ARID1A: variants seen among roughly 807,000 people sequenced by gnomAD.
ARID1A encodes the protein AT-rich interactive domain-containing protein 1A.
Under a neutral mutation model 212.6 loss-of-function variants are expected in ARID1A, and 20 were observed. The observed-to-expected ratio is 0.09, with a 90% CI of 0.07 to 0.14. The LOEUF is 0.14. Ranked by LOEUF, ARID1A falls within the 10% of genes least tolerant of loss-of-function variation. The pLI, the probability that ARID1A is intolerant of heterozygous loss-of-function variation, is 1.00. For synonymous variants in ARID1A, 1,376 were observed against 1,222.1 expected, an observed-to-expected ratio of 1.13 and a Z score of -2.63; for missense variants, 2,587 against 3,059.0, an observed-to-expected ratio of 0.85 and a Z score of 3.64.
intron 4 of ARID1A, among the ~76,000 whole-genome samples, chr1:26,747,085 TAAATC>T (rs2080842944): frequency 6.6e-6 from 1 of 152,066 alleles, no homozygotes; most frequent in Non-Finnish European, 1.5e-5. Context: ...CCATACCTGA[TAAATC>T]AAGCGTAGAA....
chr1:26,713,210 T>A lies in ARID1A; in HGVS notation c.1137+15670T>A, dbSNP rs74884941. Among the ~76,000 whole-genome samples the A allele has an allele frequency of 9.9e-4, 151 of 152,354 alleles. 2 individuals carry two copies. The East Asian group carries it at 0.027, about 28-fold the overall frequency. The stretch of plus-strand genomic sequence containing the variant: ...TTTCTCTGTTCTTGGCTTTTTCTTT[T>A]TTCCTTTTTCATTTTCTCCTTTGAT... On this transcript the variant is annotated intron_variant, in intron 1 of 19. Coordinates refer to ENST00000324856, the MANE Select transcript of ARID1A (RefSeq NM_006015.6).
intron 4 of ARID1A, among the ~76,000 whole-genome samples, chr1:26,735,518 C>T (rs186681141): frequency 1.3e-5 from 2 of 152,320 alleles, no homozygotes; most frequent in South Asian, 2.1e-4. Context: ...TCTCAAACTC[C>T]TGATCTCAGG....
At chr1:26,721,292 A>G (rs562709633) in intron 1 of ARID1A, among the ~76,000 whole-genome samples, 2 of 151,462 alleles carry the variant, frequency 1.3e-5, no homozygotes, top group Non-Finnish European at 2.9e-5. Flanking sequence ...GCTCACTGTG[A>G]CCTCCACCTC....
intron 8 of ARID1A, among the ~76,000 whole-genome samples, chr1:26,763,777 T>G (rs1016900005): frequency 3.9e-5 from 6 of 151,954 alleles, no homozygotes; most frequent in Non-Finnish European, 7.4e-5. Flanking sequence ...AAAAAGGGGT[T>G]TTGTGGGGTG....
In ARID1A at chr1:26,766,545, C is replaced by T. The variant is rs2124082076; in HGVS notation, c.2967C>T (p.Pro989=). 6.2e-7 allele frequency: 1 copy of T among 1,612,724 alleles called. No homozygotes were observed. The highest frequency in any genetic ancestry group is 8.5e-7 in the Non-Finnish European group (1 of 1,179,338). Residue 989 remains proline (P), a synonymous_variant, in exon 10 of 20, where the codon CCC becomes CCT. Coordinates refer to ENST00000324856, the MANE Select transcript of ARID1A (RefSeq NM_006015.6). ...TKMNNKADGT[P]KTESKSKKSS... is the part of the protein sequence containing the mutation. ...TGAACAACAAGGCAGATGGGACACCCAAGACAGAATCCAAATCCAAGGTAG... is the reference window on the plus strand; with the variant it reads ...TGAACAACAAGGCAGATGGGACACCTAAGACAGAATCCAAATCCAAGGTAG...
intron 4 of ARID1A, among the ~76,000 whole-genome samples, chr1:26,756,384 C>T (rs1336328251): frequency 7.9e-5 from 12 of 151,786 alleles, no homozygotes; most frequent in Admixed American, 5.2e-4. Flanking sequence ...GTTGAAACCC[C>T]GTCTCTACTA....
chr1:26,715,021 A>G (rs1175417297), intron 1 of ARID1A, among the ~76,000 whole-genome samples: 1 of 152,222 alleles, frequency 6.6e-6, no homozygotes, highest in African/African-American at 2.4e-5. Flanking sequence ...TTGGCGGGAT[A>G]TAGAACTATG....
intron 1 of ARID1A, chr1:26,727,944 A>T (rs554802939): frequency 2.0e-5 from 3 of 152,274 alleles, no homozygotes; most frequent in Admixed American, 2.0e-4. Flanking sequence ...ATTGGGGAGG[A>T]CCGTATGCTA....
intron 1 of ARID1A, among the ~76,000 whole-genome samples, chr1:26,712,608 T>C (rs1365407095): frequency 1.3e-5 from 2 of 152,180 alleles, no homozygotes; most frequent in Non-Finnish European, 2.9e-5. Context: ...GGAGGATCAC[T>C]TGAGCCCAGG....
intron 1 of ARID1A, among the ~76,000 whole-genome samples, chr1:26,710,528 C>CACACACAG (rs1553147494): frequency 3.2e-4 from 48 of 148,318 alleles, no homozygotes; most frequent in Admixed American, 1.6e-3. Flanking sequence ...CACACACACA[C>CACACACAG]CACTTGTTGT....
At chr1:26,761,721 T>C (rs1199731672) in intron 6 of ARID1A, among the ~76,000 whole-genome samples, 10 of 152,230 alleles carry the variant, frequency 6.6e-5, no homozygotes, top group South Asian at 2.1e-4. Flanking sequence ...CAAACACTTA[T>C]TACTTCTTTG....
chr1:26,702,037 C>G (rs560017231), intron 1 of ARID1A, among the ~76,000 whole-genome samples: 1 of 152,124 alleles, frequency 6.6e-6, no homozygotes, highest in Admixed American at 6.6e-5. Context: ...TGTTGATATT[C>G]TGCTGCTTTT....
intron 1 of ARID1A, 105 bp from the exon 2 acceptor site, chr1:26,729,546 T>C: frequency 7.5e-7 from 1 of 1,326,960 alleles, no homozygotes. Flanking sequence ...AGTAACTGTA[T>C]TTCTTTATAG....
At chr1:26,747,845 A>G (rs982987786) in intron 4 of ARID1A, among the ~76,000 whole-genome samples, 1 of 151,450 alleles carries the variant, frequency 6.6e-6, no homozygotes, top group African/African-American at 2.4e-5. Flanking sequence ...GCAAGACCCT[A>G]TCTGAAAAAC....
At chr1:26,729,575 C>G in intron 1 of ARID1A, 76 bp from the exon 2 acceptor site, 5 of 1,527,138 alleles carry the variant, frequency 3.3e-6, no homozygotes, top group African/African-American at 1.4e-5. Context: ...CTAAAAAAAC[C>G]TGTGTACTTG....
chr1:26,697,444 G>A lies in ARID1A; in HGVS notation c.1041G>A (p.Ala347=), dbSNP rs2124744982. The stretch of plus-strand genomic sequence containing the variant: ...CTGCGGCGGCGGCAGCTGCGGCGGC[G>A]GCCGCCTCGGGAGGGGCCCAACAAA... ...WGAAAAAAAA[A]AASGGAQQRS... The change falls in exon 1 of 20, where the codon GCG becomes GCA. Residue 347 remains alanine (A), a synonymous_variant. Coordinates refer to ENST00000324856, the MANE Select transcript of ARID1A (RefSeq NM_006015.6). The A allele has an allele frequency of 7.4e-7, 1 of 1,357,120 alleles. No individual in the cohort carries two copies. The highest frequency in any genetic ancestry group is 9.4e-7 in the Non-Finnish European group (1 of 1,065,902). 84.1% of individuals were successfully genotyped at this position (1,357,120 alleles called of 1,614,324 possible).
At chr1:26,705,570 AG>A (rs1331188247) in intron 1 of ARID1A, among the ~76,000 whole-genome samples, 3 of 152,130 alleles carry the variant, frequency 2.0e-5, no homozygotes, top group African/African-American at 7.2e-5. Context: ...ATTTTGCAAA[AG>A]TGGGTTTTCA....
At chr1:26,712,816 A>C (rs2080466694) in intron 1 of ARID1A, among the ~76,000 whole-genome samples, 1 of 152,250 alleles carries the variant, frequency 6.6e-6, no homozygotes, top group African/African-American at 2.4e-5. Context: ...TGTATAACTT[A>C]ATGAATAAGG....
Position 26,774,024 on chromosome 1 carries a change from AC to A in ARID1A, c.4101+127del. 1 of 1,289,254 alleles carries A rather than the reference AC, an allele frequency of 7.8e-7. No individual in the cohort carries two copies. The highest frequency in any genetic ancestry group is 1.1e-6 in the Non-Finnish European group (1 of 921,210). The allele number at this position is 1,289,254 out of a possible 1,614,324, so 79.9% of individuals were successfully genotyped here. A position where few individuals can be genotyped will look rare whatever the true frequency, so the allele number is the denominator to read the frequency against. On this transcript the variant is annotated intron_variant, in intron 17 of 19. Coordinates refer to ENST00000324856, the MANE Select transcript of ARID1A (RefSeq NM_006015.6). The surrounding 1 kb of genome is among the most constrained non-coding windows in gnomAD (Gnocchi z 5.6). ...TATTTTGGCATTCTTCTCTCACCTGACTGGCCAGTCCTGCCTGAAGAGCCAC... is the reference window on the plus strand; with the variant it reads ...TATTTTGGCATTCTTCTCTCACCTGATGGCCAGTCCTGCCTGAAGAGCCAC...
Sources: gnomAD v4.1 joint callset for allele counts (sites outside exome capture counted in the v4.1 genomes callset) on GRCh38, gnomAD v4.1.1 for gene constraint, Gnocchi (gnomAD v3.1) non-coding constraint, MANE v1.5 for transcripts, NCBI Gene and HGNC (gene_info 2026-07-23, HGNC 2026-07-21) for gene names.